Variants in GCLC observed in about 807,000 individuals in gnomAD.
GCLC encodes the protein glutamate--cysteine ligase catalytic subunit.
Under a neutral mutation model 81.5 loss-of-function variants are expected in GCLC, and 30 were observed. The observed-to-expected ratio is 0.37, with a 90% CI of 0.28 to 0.50. The LOEUF is 0.50. GCLC is among the 20% of genes least tolerant of loss of function. The pLI, the probability that GCLC is intolerant of heterozygous loss-of-function variation, is 0.96. For synonymous variants in GCLC, 262 were observed against 273.3 expected (o/e 0.96, Z 0.41); for missense variants, 556 against 777.4 (o/e 0.72, Z 3.39).
intron 1 of GCLC, among the ~76,000 whole-genome samples, chr6:53,528,894 C>T (rs1763126759): frequency 6.6e-6 from 1 of 152,020 alleles, no homozygotes; most frequent in South Asian, 2.1e-4. Context: ...ATATGAGTCC[C>T]AAGAGAAAAA....
chr6:53,504,335 G>A (rs1764572971), intron 12 of GCLC, among the ~76,000 whole-genome samples: 1 of 151,868 alleles, frequency 6.6e-6, no homozygotes, highest in Non-Finnish European at 1.5e-5. Flanking sequence ...ATAGATTTGC[G>A]CTGGGCCCAG....
At chr6:53,522,682 A>G (rs1763019611) in intron 1 of GCLC, 155 bp from the exon 2 acceptor site, 1 of 591,598 alleles carries the variant, frequency 1.7e-6, no homozygotes, top group Middle Eastern at 4.3e-4. Flanking sequence ...ATAAGTGTTC[A>G]TATGCATAAT....
At chr6:53,500,006 CT>C in intron 15 of GCLC, 38 bp downstream of exon 15, 1 of 1,400,036 alleles carries the variant, frequency 7.1e-7, no homozygotes, top group Non-Finnish European at 1.0e-6. Context: ...TTATACCATG[CT>C]GTCTATATTA....
intron 6 of GCLC, chr6:53,513,636 A>C (rs1412062030): frequency 6.4e-6 from 1 of 155,950 alleles, no homozygotes; most frequent in Non-Finnish European, 1.4e-5. Flanking sequence ...GGACACACTC[A>C]CTGCCAGGGG....
rs569930012 is a variant in GCLC at position 53,523,493 on chromosome 6, G to C, written c.151-966C>G. On this transcript the variant is annotated intron_variant, in intron 1 of 15. Coordinates refer to ENST00000650454, the MANE Select transcript of GCLC (RefSeq NM_001498.4). ...AACCAGGCTACAGTGTATTTGGTTT[G>C]GCCTACAATAGTAGTTTAGAAAAAA... Among the ~76,000 whole-genome samples the C allele has an allele frequency of 9.9e-5, 15 of 152,258 alleles. 1 individual carries two copies. The South Asian group carries it at 3.1e-3, about 32-fold the overall frequency.
chr6:53,505,529 C>T (rs17884019), intron 11 of GCLC, 33 bp from the exon 12 acceptor site: 15,954 of 1,101,932 alleles, frequency 0.014, 154 homozygotes, highest in Middle Eastern at 0.028. Flanking sequence ...AAGTTATGAA[C>T]CAACTACACA....
intron 3 of GCLC, among the ~76,000 whole-genome samples, chr6:53,517,832 T>C (rs1183355321): frequency 6.6e-6 from 1 of 152,214 alleles, no homozygotes; most frequent in Non-Finnish European, 1.5e-5. Context: ...ACCACGTGGC[T>C]ACTGAGCCCT....
At chr6:53,521,004 T>C (rs368625427) in intron 2 of GCLC, 44 bp from the exon 3 acceptor site, 31 of 1,486,636 alleles carry the variant, frequency 2.1e-5, no homozygotes, top group African/African-American at 2.8e-5. Context: ...TCTTTTGCTA[T>C]AGTCTGCTCA....
At chr6:53,508,294 T>C (rs1764657559) in intron 8 of GCLC, among the ~76,000 whole-genome samples, 1 of 152,106 alleles carries the variant, frequency 6.6e-6, no homozygotes, top group Non-Finnish European at 1.5e-5. Context: ...TGACAACAAA[T>C]TATACTTTCC....
chr6:53,519,901 T>A (rs1419207022), intron 3 of GCLC, among the ~76,000 whole-genome samples: 2 of 152,132 alleles, frequency 1.3e-5, no homozygotes, highest in Non-Finnish European at 2.9e-5. Flanking sequence ...CCCATTTAAA[T>A]GCCCCTCTGA....
At chr6:53,521,051 A>C in intron 2 of GCLC, 91 bp from the exon 3 acceptor site, 1 of 965,788 alleles carries the variant, frequency 1.0e-6, no homozygotes, top group Non-Finnish European at 1.7e-6. Context: ...AAAGTGTAGA[A>C]ACCATTAGGT....
At chr6:53,533,597 T>C (rs1270032634) in intron 1 of GCLC, among the ~76,000 whole-genome samples, 1 of 152,188 alleles carries the variant, frequency 6.6e-6, no homozygotes, top group African/African-American at 2.4e-5. Flanking sequence ...CCACTTCTGG[T>C]AGAATTTACC....
chr6:53,522,365 T>C (rs765009813), intron 2 of GCLC, 50 bp downstream of exon 2: 1 of 1,041,426 alleles, frequency 9.6e-7, no homozygotes, highest in Non-Finnish European at 1.5e-6. Flanking sequence ...CTCTATATTC[T>C]AGAAGTTTTA....
At chr6:53,504,808 C>A (rs571593896) in intron 12 of GCLC, among the ~76,000 whole-genome samples, 1 of 152,274 alleles carries the variant, frequency 6.6e-6, no homozygotes, top group Admixed American at 6.5e-5. Flanking sequence ...GGAACCCCTG[C>A]GGCAGGGCCC....
intron 9 of GCLC, 152 bp downstream of exon 9, chr6:53,507,328 C>G: frequency 1.3e-6 from 1 of 796,508 alleles, no homozygotes; most frequent in Non-Finnish European, 2.1e-6. Context: ...TATTTGGAAC[C>G]TGAAACTTTA....
intron 1 of GCLC, among the ~76,000 whole-genome samples, chr6:53,528,578 G>A (rs994634752): frequency 6.6e-6 from 1 of 152,082 alleles, no homozygotes; most frequent in African/African-American, 2.4e-5. Flanking sequence ...ATCAAATTCT[G>A]CTAACATTTC....
At chr6:53,530,275 C>CATA (rs762314005) in intron 1 of GCLC, among the ~76,000 whole-genome samples, 5 of 152,188 alleles carry the variant, frequency 3.3e-5, no homozygotes, top group Admixed American at 6.5e-5. Context: ...GACACTGTGT[C>CATA]ATAACCACAT....
At chr6:53,519,165 T>G (rs1762938289) in intron 3 of GCLC, among the ~76,000 whole-genome samples, 1 of 152,218 alleles carries the variant, frequency 6.6e-6, no homozygotes, top group Non-Finnish European at 1.5e-5. Flanking sequence ...TCAACTGCTT[T>G]TAGGAGAACA....
chr6:53,527,266 G>A (rs1763099543), intron 1 of GCLC, among the ~76,000 whole-genome samples: 1 of 152,174 alleles, frequency 6.6e-6, no homozygotes, highest in African/African-American at 2.4e-5. Flanking sequence ...GACATCTGGG[G>A]TTCAGGGCCA....
Sources: gnomAD v4.1 joint callset for allele counts (sites outside exome capture counted in the v4.1 genomes callset) on GRCh38, gnomAD v4.1.1 for gene constraint, MANE v1.5 for transcripts, NCBI Gene and HGNC (gene_info 2026-07-23, HGNC 2026-07-21) for gene names.